Variants in NOL4L observed in about 807,000 individuals in gnomAD.
The protein encoded by NOL4L is nucleolar protein 4 like.
In NOL4L, 7 loss-of-function variants were observed where a neutral mutation model predicts 64.5. That is an observed-to-expected ratio of 0.11 (90% CI 0.06 to 0.20). The LOEUF is 0.20. Ranked by LOEUF, NOL4L falls within the 10% of genes least tolerant of loss-of-function variation. The pLI is 1.00. For missense variants in NOL4L, 680 were observed against 967.1 expected (o/e 0.70, Z 3.94); for synonymous variants, 413 against 401.0 (o/e 1.03, Z -0.36).
chr20:32,584,186 G>T (rs1456100304), intron 1 of NOL4L, among the ~76,000 whole-genome samples: 1 of 145,308 alleles, frequency 6.9e-6, no homozygotes, highest in Non-Finnish European at 1.5e-5. Context: ...AGCCGGCCCG[G>T]GGGCGGGAGC....
At chr20:32,558,903 C>T (rs535837930) in intron 1 of NOL4L, among the ~76,000 whole-genome samples, 10 of 152,306 alleles carry the variant, frequency 6.6e-5, no homozygotes, top group East Asian at 1.9e-4. Flanking sequence ...CAGCCTGGAC[C>T]GGAGCAGGGG....
chr20:32,488,772 T>A (rs942608391), intron 4 of NOL4L, among the ~76,000 whole-genome samples: 1 of 54,066 alleles, frequency 1.8e-5, no homozygotes, highest in Non-Finnish European at 2.9e-5. Context: ...CCTTCCTTCC[T>A]TCCTTCCTTC....
At chr20:32,547,343 G>A (rs2018746414) in intron 1 of NOL4L, among the ~76,000 whole-genome samples, 2 of 152,146 alleles carry the variant, frequency 1.3e-5, no homozygotes, top group Admixed American at 6.5e-5. Context: ...CAGGCCAGAG[G>A]GAAGTGGCTC....
intron 2 of NOL4L, among the ~76,000 whole-genome samples, chr20:32,524,676 C>T (rs73906150): frequency 0.018 from 2,747 of 152,264 alleles, 60 homozygotes; most frequent in African/African-American, 0.061. Flanking sequence ...CAGGCTGTGC[C>T]CCTCTGCAGC....
intron 3 of NOL4L, among the ~76,000 whole-genome samples, chr20:32,518,366 G>A (rs973684742): frequency 3.3e-5 from 5 of 152,232 alleles, no homozygotes; most frequent in Non-Finnish European, 5.9e-5. Context: ...CCTGGGGGTG[G>A]GGTGTGGTGG....
intron 1 of NOL4L, chr20:32,537,196 C>G: frequency 2.4e-6 from 2 of 821,620 alleles, no homozygotes; most frequent in Non-Finnish European, 2.9e-6. Context: ...CACAGACCCT[C>G]CGCGGTCAGT....
chr20:32,488,796 TTTCTTTCTTTTTC>T (rs1948140439), intron 4 of NOL4L, among the ~76,000 whole-genome samples: 1 of 40,208 alleles, frequency 2.5e-5, no homozygotes, highest in Non-Finnish European at 4.3e-5. Flanking sequence ...CCTTCCTTTC[TTTCTTTCTTTTTC>T]TTTCTTTCTT....
intron 1 of NOL4L, among the ~76,000 whole-genome samples, chr20:32,544,081 A>C (rs1235262422): frequency 6.6e-6 from 1 of 152,130 alleles, no homozygotes; most frequent in African/African-American, 2.4e-5. Context: ...CACGTGAAAC[A>C]GGCAGCCATA....
At chr20:32,510,115 C>G (rs1162892202) in intron 4 of NOL4L, 2 of 403,320 alleles carry the variant, frequency 5.0e-6, no homozygotes, top group Non-Finnish European at 9.5e-6. Context: ...CCAACCCAAG[C>G]CCATTTTCCC....
intron 5 of NOL4L, among the ~76,000 whole-genome samples, chr20:32,461,282 T>C (rs2014021170): frequency 6.6e-6 from 1 of 151,988 alleles, no homozygotes; most frequent in Non-Finnish European, 1.5e-5. Flanking sequence ...GTACTTGCTG[T>C]TCCCTCTTCC....
chr20:32,549,489 A>G (rs1191164433), intron 1 of NOL4L, among the ~76,000 whole-genome samples: 10 of 152,218 alleles, frequency 6.6e-5, no homozygotes, highest in Admixed American at 6.5e-4. Context: ...ATGGTGGCTC[A>G]TGCCTGTGAT....
intron 3 of NOL4L, 28 bp downstream of exon 3, chr20:32,520,783 T>C (rs1163222785): frequency 7.0e-7 from 1 of 1,427,522 alleles, no homozygotes; most frequent in Non-Finnish European, 9.7e-7. Flanking sequence ...GCCCCCGCCC[T>C]AGCCCTCCAG....
Position 32,485,914 on chromosome 20 carries a change from G to A in NOL4L, c.700-11172C>T, listed in dbSNP as rs568207471. The stretch of plus-strand genomic sequence containing the variant: ...AGCCAAATACAACTGAAGTTCAAAG[G>A]TGGAATTGAACCCAGATAACCCACC... On this transcript the variant is annotated intron_variant, in intron 4 of 10. Coordinates refer to ENST00000621426, the MANE Select transcript of NOL4L (RefSeq NM_001256798.2). 5.6e-4 allele frequency: 214 copies of A among 383,216 alleles called. 2 individuals are homozygous for A. Among genetic ancestry groups the A allele is most frequent in the Non-Finnish European group, 7.3e-4 (136 of 185,238 alleles). The allele number at this position is 383,216 out of a possible 1,614,324, so 23.7% of individuals were successfully genotyped here.
In NOL4L at chr20:32,527,897, G is replaced by A. The variant is rs1489734082; in HGVS notation, c.338C>T (p.Ser113Leu). Residue 113 changes from serine (S) to leucine (L), a missense_variant, in exon 2 of 11, where the codon TCG (serine) becomes TTG (leucine). By Grantham distance (145) the Ser-to-Leu change is moderately radical (BLOSUM62 -2). This residue lies in a region of NOL4L where 181 missense variants were observed against 335.2 expected (regional missense o/e 0.54). Coordinates refer to ENST00000621426, the MANE Select transcript of NOL4L (RefSeq NM_001256798.2). Reference sequence around the variant, plus strand: ...CTTCAGAGAGATGCCCTCTGGCTCCGACAGGCCATCTGCCCCCTGCGACAG... The same window carrying A: ...CTTCAGAGAGATGCCCTCTGGCTCCAACAGGCCATCTGCCCCCTGCGACAG... Reference protein sequence around the residue: ...VKTGSGADGLSEPEGISLKRV... With the variant: ...VKTGSGADGLLEPEGISLKRV... 7 of 1,550,414 alleles carry A rather than the reference G, an allele frequency of 4.5e-6. No homozygotes were observed. The highest frequency in any genetic ancestry group is 1.7e-4 in the Middle Eastern group (1 of 5,992).
Position 32,455,131 on chromosome 20 carries a change from G to A in NOL4L, c.1119+987C>T, listed in dbSNP as rs146808665. Among the ~76,000 whole-genome samples, 42 of 152,342 alleles carry A rather than the reference G, an allele frequency of 2.8e-4. 1 individual carries two copies. The East Asian group carries it at 6.6e-3, about 24-fold the overall frequency. Reference sequence around the variant, plus strand: ...TGAGCCAGGGCCAGGGCAGACAGATGGAGAAAAAACTAAGATAGGAGCTGC... The same window carrying A: ...TGAGCCAGGGCCAGGGCAGACAGATAGAGAAAAAACTAAGATAGGAGCTGC... On this transcript the variant is annotated intron_variant, in intron 6 of 10. Transcript: ENST00000621426.
intron 1 of NOL4L, among the ~76,000 whole-genome samples, chr20:32,540,998 C>T (rs990165628): frequency 2.4e-4 from 33 of 135,302 alleles, no homozygotes; most frequent in African/African-American, 9.2e-4. Flanking sequence ...CAGCCTGCCT[C>T]GCCACCCCCT....
intron 4 of NOL4L, chr20:32,510,037 A>G: frequency 2.1e-6 from 2 of 951,878 alleles, no homozygotes; most frequent in Admixed American, 2.3e-5. Flanking sequence ...ATAACCAACA[A>G]CAAAAGCAAC....
Position 32,460,676 on chromosome 20 carries a change from C to T in NOL4L, c.842-4281G>A, listed in dbSNP as rs2013958668. 6.6e-6 allele frequency among the ~76,000 whole-genome samples: 1 copy of T among 152,336 alleles called. No homozygotes were observed. Among genetic ancestry groups the T allele is most frequent in the Non-Finnish European group, 1.5e-5 (1 of 68,028 alleles). On this transcript the variant is annotated intron_variant, in intron 5 of 10. Transcript: ENST00000621426. The surrounding 1 kb of genome is among the most constrained non-coding windows in gnomAD (Gnocchi z 5.7). ...ATTTTCTCACATCATAACTCACCCA[C>T]TGCCGACGCACGAGGCTCCCAGACT...
At chr20:32,485,078 A>AAAAAAAAAAAC (rs1568643165) in intron 4 of NOL4L, among the ~76,000 whole-genome samples, 18 of 147,822 alleles carry the variant, frequency 1.2e-4, no homozygotes, top group African/African-American at 4.5e-4. Flanking sequence ...AAAAAAAAAA[A>AAAAAAAAAAAC]AAAAAAAAAC....
Sources: gnomAD v4.1 joint callset for allele counts (sites outside exome capture counted in the v4.1 genomes callset) on GRCh38, gnomAD v4.1.1 for gene constraint, gnomAD v4.1.1 regional missense constraint, Gnocchi (gnomAD v3.1) non-coding constraint, MANE v1.5 for transcripts, NCBI Gene and HGNC (gene_info 2026-07-23, HGNC 2026-07-21) for gene names.